The following PNPLA1 variants were observed in gnomAD, a reference collection of about 807,000 sequenced individuals.
PNPLA1 encodes omega-hydroxyceramide transacylase.
A neutral mutation model predicts 51.7 loss-of-function variants in PNPLA1; 36 were observed. That is an observed-to-expected ratio of 0.70 (90% CI 0.53 to 0.92). The LOEUF is 0.92. Among genes scored for constraint, PNPLA1 ranks in the 40% least tolerant of loss-of-function variants. The pLI, the probability that PNPLA1 is intolerant of heterozygous loss-of-function variation, is 0.00. For synonymous variants in PNPLA1, 293 were observed against 280.1 expected (o/e 1.05, Z -0.46); for missense variants, 658 against 682.5 (o/e 0.96, Z 0.40).
rs767462752 is a variant in PNPLA1, at chr6:36,295,389, G to GGTACGAGGATGCAGTTTTGT, written c.741_760dup (p.Tyr254CysfsTer9). 1.2e-6 allele frequency: 2 copies of GGTACGAGGATGCAGTTTTGT among 1,614,192 alleles called. No individual in the cohort carries two copies. The highest frequency in any genetic ancestry group is 2.2e-5 in the South Asian group (2 of 91,088). On this transcript the variant is annotated frameshift_variant, in exon 5 of 9. Coordinates refer to ENST00000636260, the MANE Select transcript of PNPLA1 (RefSeq NM_001374623.1). LOFTEE classifies it high-confidence loss of function. ...ATCCTGCACGATTACTACTACCGAG[G>GGTACGAGGATGCAGTTTTGT]GTACGAGGATGCAGTTTTGTACTTG...
chr6:36,262,794 C>A (rs1769680875), intron 1 of PNPLA1, among the ~76,000 whole-genome samples: 1 of 152,018 alleles, frequency 6.6e-6, no homozygotes, highest in South Asian at 2.1e-4. Flanking sequence ...CACAATTATT[C>A]TTTTCAGTAG....
Position 36,270,637 on chromosome 6 carries a change from G to T in PNPLA1, c.178G>T (p.Ala60Ser). Residue 60 changes from alanine to serine, a missense_variant, in exon 1 of 9, where the codon GCC (alanine) becomes TCC (serine). Physicochemically the swap from Ala to Ser is moderately conservative, Grantham distance 99. Coordinates refer to ENST00000636260, the MANE Select transcript of PNPLA1 (RefSeq NM_001374623.1). ...GACATCGGCAGGTGCTGTGATCGCCGCCCTGGCCATCTGCGGGATTGAAAT... is the reference window on the plus strand; with the variant it reads ...GACATCGGCAGGTGCTGTGATCGCCTCCCTGGCCATCTGCGGGATTGAAAT... ...AGTSAGAVIA[A>S]LAICGIEMDE... 7.1e-6 allele frequency: 11 copies of T among 1,551,238 alleles called. No individual in the cohort carries two copies. Among genetic ancestry groups the T allele is most frequent in the Non-Finnish European group, 9.6e-6 (11 of 1,146,998 alleles).
At chr6:36,245,661 T>C (rs1341896568) in intron 1 of PNPLA1, among the ~76,000 whole-genome samples, 2 of 152,220 alleles carry the variant, frequency 1.3e-5, no homozygotes, top group Non-Finnish European at 2.9e-5. Context: ...ACAGGGGAGC[T>C]GCATCCGCTC....
rs1561859472 is a variant in PNPLA1 at position 36,282,128 on chromosome 6, G to GGAAA, written c.206-9189_206-9188insAGAA. Reference sequence around the variant, plus strand: ...AGGAAGGAAGGAAGGAAGGAAGGAAGGAAGGAAGGAAAGAGAGACAGAGAG... The same window carrying GGAAA: ...AGGAAGGAAGGAAGGAAGGAAGGAAGGAAAGAAGGAAGGAAAGAGAGACAGAGAG... On this transcript the variant is annotated intron_variant, in intron 1 of 8. Transcript: ENST00000636260. Among the ~76,000 whole-genome samples, 25 of 89,984 alleles carry GGAAA rather than the reference G, an allele frequency of 2.8e-4. 1 individual carries two copies. The highest frequency in any genetic ancestry group is 5.4e-4 in the Non-Finnish European group (21 of 39,036). 59.0% of individuals were successfully genotyped at this position (89,984 alleles called of 152,430 possible).
At chr6:36,295,332 C>T in intron 4 of PNPLA1, 32 bp from the exon 5 acceptor site, 1 of 1,613,282 alleles carries the variant, frequency 6.2e-7, no homozygotes, top group Middle Eastern at 1.7e-4. Flanking sequence ...TCCCCGCAGC[C>T]TTGGTAATTC....
intron 5 of PNPLA1, 105 bp from the exon 6 acceptor site, chr6:36,301,756 T>A: frequency 7.1e-7 from 1 of 1,414,340 alleles, no homozygotes; most frequent in South Asian, 1.4e-5. Flanking sequence ...GAAAGACCTT[T>A]GAAAAGCACT....
chr6:36,303,154 G>T (rs1445962243), intron 6 of PNPLA1, among the ~76,000 whole-genome samples: 1 of 152,116 alleles, frequency 6.6e-6, no homozygotes, highest in African/African-American at 2.4e-5. Context: ...GAGTGCAGTG[G>T]CGTGATCTTG....
At chr6:36,310,525 TC>T (rs1409870095) in intron 8 of PNPLA1, among the ~76,000 whole-genome samples, 2 of 152,206 alleles carry the variant, frequency 1.3e-5, no homozygotes, top group African/African-American at 4.8e-5. Context: ...AAGATCCTTT[TC>T]TTTGAGTTTC....
Position 36,293,085 on chromosome 6 carries a change from C to G in PNPLA1, c.463C>G (p.Pro155Ala). 1.2e-6 allele frequency: 2 copies of G among 1,614,066 alleles called. No individual in the cohort carries two copies. Among genetic ancestry groups the G allele is most frequent in the Non-Finnish European group, 1.7e-6 (2 of 1,179,976 alleles). Residue 155 changes from proline (P) to alanine (A), a missense_variant, in exon 3 of 9, where the codon CCG (proline) becomes GCG (alanine). Physicochemically the swap from Pro to Ala is conservative, Grantham distance 27. Transcript: ENST00000636260. ...GGCCCTATACTGCAGCTGCTTCGTCCCGGTGTACTGTGGCCTCATCCCCCC... is the reference window on the plus strand; with the variant it reads ...GGCCCTATACTGCAGCTGCTTCGTCGCGGTGTACTGTGGCCTCATCCCCCC... Reference protein sequence around the residue: ...IEALYCSCFVPVYCGLIPPTY... With the variant: ...IEALYCSCFVAVYCGLIPPTY...
At chr6:36,291,598 A>AGGGGGGGGGGGGGGGT in intron 2 of PNPLA1, 46 bp downstream of exon 2, 1 of 362,224 alleles carries the variant, frequency 2.8e-6, no homozygotes, top group Non-Finnish European at 5.7e-6. Flanking sequence ...GGGGCGGGGG[A>AGGGGGGGGGGGGGGGT]GGGCGGCTCC....
At chr6:36,256,559 T>A (rs1769538307) in intron 1 of PNPLA1, among the ~76,000 whole-genome samples, 1 of 152,136 alleles carries the variant, frequency 6.6e-6, no homozygotes, top group Admixed American at 6.5e-5. Flanking sequence ...ACAATTCTTC[T>A]ACCTCAGCCT....
intron 1 of PNPLA1, among the ~76,000 whole-genome samples, chr6:36,264,776 G>GA (rs1355220064): frequency 3.9e-5 from 6 of 152,048 alleles, no homozygotes; most frequent in African/African-American, 1.4e-4. Context: ...TTCATTATAA[G>GA]AAAAAAGATA....
chr6:36,309,774 G>C (rs7738417), intron 8 of PNPLA1, among the ~76,000 whole-genome samples: 5 of 151,938 alleles, frequency 3.3e-5, no homozygotes, highest in Non-Finnish European at 7.4e-5. Flanking sequence ...TTTACCAATC[G>C]ATGGTCTTAA....
chr6:36,288,517 A>G (rs9470244), intron 1 of PNPLA1, among the ~76,000 whole-genome samples: 63,280 of 149,012 alleles, frequency 0.42, 13,824 homozygotes, highest in African/African-American at 0.52. Flanking sequence ...CAGTGGCGCA[A>G]TCTCGGCTCA....
Position 36,294,480 on chromosome 6 carries a change from C to G in PNPLA1, c.714+81C>G. ...GGTTAGAGAGCCACTGGGGCCCACT[C>G]AAGTTCCATCTGAGTCTCCTCCCCT... On this transcript the variant is annotated intron_variant, in intron 4 of 8. Transcript: ENST00000636260. The surrounding 1 kb of genome is among the most constrained non-coding windows in gnomAD (Gnocchi z 4.2). 2 of 1,323,706 alleles carry G rather than the reference C, an allele frequency of 1.5e-6. No homozygotes were observed. Among genetic ancestry groups the G allele is most frequent in the East Asian group, 4.6e-5 (2 of 43,018 alleles). 82.0% of individuals were successfully genotyped at this position (1,323,706 alleles called of 1,614,324 possible). A position where few individuals can be genotyped will look rare whatever the true frequency, so the allele number is the denominator to read the frequency against.
intron 1 of PNPLA1, among the ~76,000 whole-genome samples, chr6:36,273,823 C>G (rs1770006702): frequency 6.7e-6 from 1 of 150,058 alleles, no homozygotes; most frequent in South Asian, 2.1e-4. Context: ...CTGCTGCAAA[C>G]CTACTTGGCC....
At chr6:36,248,185 G>A (rs1769340755) in intron 1 of PNPLA1, among the ~76,000 whole-genome samples, 1 of 152,152 alleles carries the variant, frequency 6.6e-6, no homozygotes, top group African/African-American at 2.4e-5. Flanking sequence ...GCTGTGGGAG[G>A]AAGGGAGGTG....
chr6:36,265,212 A>G (rs1769735800), upstream of PNPLA1, among the ~76,000 whole-genome samples: 1 of 152,146 alleles, frequency 6.6e-6, no homozygotes, highest in Admixed American at 6.6e-5. Flanking sequence ...GTTTTGGCAC[A>G]TACCTGTAAT....
Position 36,282,131 on chromosome 6 carries a change from AGGAAGGAAAG to A in PNPLA1, c.206-9188_206-9179del, listed in dbSNP as rs1202999409. ...AAGGAAGGAAGGAAGGAAGGAAGGA[AGGAAGGAAAG>A]AGAGACAGAGAGAGAGAGAAAGAAA... On this transcript the variant is annotated intron_variant, in intron 1 of 8. Coordinates refer to ENST00000636260, the MANE Select transcript of PNPLA1 (RefSeq NM_001374623.1). Among the ~76,000 whole-genome samples the A allele has an allele frequency of 1.0e-4, 15 of 147,886 alleles. 1 individual carries two copies. The highest frequency in any genetic ancestry group is 3.8e-4 in the African/African-American group (15 of 39,410).
Sources: gnomAD v4.1 joint callset for allele counts (sites outside exome capture counted in the v4.1 genomes callset) on GRCh38, gnomAD v4.1.1 for gene constraint, Gnocchi (gnomAD v3.1) non-coding constraint, MANE v1.5 for transcripts, NCBI Gene and HGNC (gene_info 2026-07-23, HGNC 2026-07-21) for gene names.